The following CCDC148 variants were observed in gnomAD, a reference collection of about 807,000 sequenced individuals.
CCDC148 encodes the protein coiled-coil domain-containing protein 148.
CCDC148 carries 89 observed loss-of-function variants against 85.7 expected under a neutral mutation model. The observed-to-expected ratio is 1.04, with a 90% confidence interval of 0.87 to 1.24. The LOEUF (loss-of-function observed/expected upper bound fraction) is 1.24, where lower values mean the gene tolerates loss of function less well. Among genes scored for constraint, CCDC148 ranks in the 50% most tolerant of loss-of-function variants. The pLI, the probability that CCDC148 is intolerant of heterozygous loss-of-function variation, is 0.00. For missense variants in CCDC148, 692 were observed against 671.7 expected (o/e 1.03, Z -0.33); for synonymous variants, 230 against 213.9 (o/e 1.08, Z -0.66).
chr2:158,434,489 C>T (rs1263016930), intron 1 of CCDC148, among the ~76,000 whole-genome samples: 1 of 152,090 alleles, frequency 6.6e-6, no homozygotes, highest in Non-Finnish European at 1.5e-5. Flanking sequence ...TCATAGAAGA[C>T]CAAAGGTAGA....
In CCDC148 at chr2:158,418,109, T is replaced by C. The variant is rs796668276; in HGVS notation, c.25+38306A>G. 9.2e-5 allele frequency among the ~76,000 whole-genome samples: 14 copies of C among 152,054 alleles called. No individual in the cohort carries two copies. The South Asian group carries it at 2.1e-3, about 23-fold the overall frequency. ...AAAATCCCTTGAGTGTTTTTTTTTT[T>C]AGTTTTCTGGAAAGAACATCACACC... On this transcript the variant is annotated intron_variant, in intron 1 of 13. Coordinates refer to ENST00000283233, the MANE Select transcript of CCDC148 (RefSeq NM_138803.4).
intron 1 of CCDC148, among the ~76,000 whole-genome samples, chr2:158,413,165 G>T (rs1686341119): frequency 6.6e-6 from 1 of 152,064 alleles, no homozygotes; most frequent in African/African-American, 2.4e-5. Context: ...AAAGTATTAA[G>T]AAATTGTAAA....
intron 1 of CCDC148, among the ~76,000 whole-genome samples, chr2:158,404,970 C>A (rs1449882842): frequency 1.3e-5 from 2 of 152,066 alleles, no homozygotes; most frequent in Non-Finnish European, 1.5e-5. Context: ...ATTCTCTTTG[C>A]AAAGAAGTAA....
intron 9 of CCDC148, among the ~76,000 whole-genome samples, chr2:158,257,090 G>A (rs1363230390): frequency 6.6e-6 from 1 of 150,470 alleles, no homozygotes; most frequent in African/African-American, 2.4e-5. Flanking sequence ...AAAAAAAAAA[G>A]TCTCCCACCA....
chr2:158,362,897 A>G (rs1369548221), intron 1 of CCDC148, among the ~76,000 whole-genome samples: 3 of 152,118 alleles, frequency 2.0e-5, no homozygotes, highest in Non-Finnish European at 4.4e-5. Flanking sequence ...TTTTTTGAAA[A>G]AATTAACAAA....
intron 11 of CCDC148, among the ~76,000 whole-genome samples, chr2:158,179,556 T>C (rs538415225): frequency 6.6e-6 from 1 of 152,202 alleles, no homozygotes; most frequent in East Asian, 1.9e-4. Context: ...CTGGCTGCCA[T>C]GGCTCTGGCT....
chr2:158,229,281 T>C (rs1687731527), intron 10 of CCDC148, among the ~76,000 whole-genome samples: 1 of 152,190 alleles, frequency 6.6e-6, no homozygotes, highest in East Asian at 1.9e-4. Context: ...TCCACTTATA[T>C]AATGTTATTT....
At chr2:158,266,655 T>C (rs1689467281) in intron 9 of CCDC148, among the ~76,000 whole-genome samples, 1 of 152,036 alleles carries the variant, frequency 6.6e-6, no homozygotes, top group Non-Finnish European at 1.5e-5. Context: ...CCAAAGTCCA[T>C]TGGTCATTCT....
chr2:158,226,902 G>T (rs1393345188), intron 10 of CCDC148, among the ~76,000 whole-genome samples: 1 of 152,118 alleles, frequency 6.6e-6, no homozygotes, highest in African/African-American at 2.4e-5. Context: ...GCACAAGACA[G>T]GGATGCCCTC....
At chr2:158,304,268 G>T (rs531738026) in intron 9 of CCDC148, among the ~76,000 whole-genome samples, 3 of 152,232 alleles carry the variant, frequency 2.0e-5, no homozygotes, top group East Asian at 1.9e-4. Flanking sequence ...CTAAAGAAAA[G>T]GAAAGCAAGT....
chr2:158,235,351 A>T lies in CCDC148; in HGVS notation c.1252-14638T>A, dbSNP rs994430560. 2.6e-5 allele frequency among the ~76,000 whole-genome samples: 4 copies of T among 152,340 alleles called. No homozygotes were observed. In the South Asian group the frequency reaches 6.2e-4, roughly 24 times the overall value. On this transcript the variant is annotated intron_variant, in intron 10 of 13. Transcript: ENST00000283233. ...TATATTCCTATATAACATTTTTCTT[A>T]TCACCTTGCATGTGGCAGCAGTTTC...
At chr2:158,327,902 T>A (rs115375994) in intron 7 of CCDC148, among the ~76,000 whole-genome samples, 1 of 152,296 alleles carries the variant, frequency 6.6e-6, no homozygotes, top group Non-Finnish European at 1.5e-5. Context: ...AGAATTGCTA[T>A]TGCAAACTCT....
At chr2:158,368,674 T>A (rs1383064392) in intron 1 of CCDC148, among the ~76,000 whole-genome samples, 1 of 152,070 alleles carries the variant, frequency 6.6e-6, no homozygotes, top group African/African-American at 2.4e-5. Flanking sequence ...AAGAACACTT[T>A]GATATATAAT....
intron 9 of CCDC148, among the ~76,000 whole-genome samples, chr2:158,305,769 A>T (rs1691655764): frequency 6.6e-6 from 1 of 151,252 alleles, no homozygotes; most frequent in Non-Finnish European, 1.5e-5. Context: ...AAAAAAAAAA[A>T]AAAAAAAAAA....
intron 1 of CCDC148, among the ~76,000 whole-genome samples, chr2:158,389,147 A>G (rs906447132): frequency 1.5e-4 from 23 of 152,210 alleles, no homozygotes; most frequent in Non-Finnish European, 2.8e-4. Context: ...GAAATAACAC[A>G]AAGTATTTAA....
At chr2:158,393,844 C>T (rs975709719) in intron 1 of CCDC148, among the ~76,000 whole-genome samples, 1 of 152,056 alleles carries the variant, frequency 6.6e-6, no homozygotes, top group South Asian at 2.1e-4. Context: ...CCAACAGTAT[C>T]ACAAAAAATA....
intron 11 of CCDC148, among the ~76,000 whole-genome samples, chr2:158,194,778 T>C (rs1252140572): frequency 1.3e-5 from 2 of 152,136 alleles, no homozygotes; most frequent in African/African-American, 4.8e-5. Context: ...GTGCAGGTAA[T>C]ATATTGAAAT....
At chr2:158,350,104 T>G (rs1205255536) in intron 2 of CCDC148, among the ~76,000 whole-genome samples, 1 of 152,180 alleles carries the variant, frequency 6.6e-6, no homozygotes, top group Non-Finnish European at 1.5e-5. Flanking sequence ...CAGTTGAACG[T>G]GAGCATCTGT....
At chr2:158,286,407 C>G (rs1445314270) in intron 9 of CCDC148, among the ~76,000 whole-genome samples, 2 of 152,136 alleles carry the variant, frequency 1.3e-5, no homozygotes, top group Admixed American at 6.6e-5. Context: ...ATACAATGTT[C>G]TTTATTTTGC....
Sources: allele counts gnomAD v4.1 joint callset (sites outside exome capture counted in the v4.1 genomes callset), GRCh38; gene constraint gnomAD v4.1.1; transcripts MANE v1.5; gene names NCBI Gene and HGNC (gene_info 2026-07-23, HGNC 2026-07-21).